DLG2: variants seen among roughly 807,000 people sequenced by gnomAD.
DLG2 encodes disks large homolog 2.
A neutral mutation model predicts 132.5 loss-of-function variants in DLG2; 45 were observed. The observed-to-expected ratio is 0.34, with a 90% CI of 0.27 to 0.44. The LOEUF (loss-of-function observed/expected upper bound fraction) is 0.44. DLG2 is among the 20% of genes least tolerant of loss of function. The pLI is 1.00. For synonymous variants in DLG2, 424 were observed against 419.6 expected, an observed-to-expected ratio of 1.01 and a Z score of -0.13; for missense variants, 1,045 against 1,196.9, an observed-to-expected ratio of 0.87 and a Z score of 1.87.
At chr11:84,615,841 C>CAAAAA (rs1565462543) in intron 6 of DLG2, among the ~76,000 whole-genome samples, 1 of 65,900 alleles carries the variant, frequency 1.5e-5, no homozygotes, top group Non-Finnish European at 3.0e-5. Context: ...AAAAAAAAAA[C>CAAAAA]TTCATTCCAG....
At chr11:84,877,884 C>T (rs544660882) in intron 6 of DLG2, among the ~76,000 whole-genome samples, 1 of 151,918 alleles carries the variant, frequency 6.6e-6, no homozygotes, top group African/African-American at 2.4e-5. Context: ...AAAACAACCC[C>T]ATCAAAAAGT....
chr11:84,367,954 C>T (rs752278086), intron 7 of DLG2, among the ~76,000 whole-genome samples: 8 of 152,084 alleles, frequency 5.3e-5, no homozygotes, highest in Non-Finnish European at 7.3e-5. Context: ...GTAATAGATG[C>T]ACACATCTCT....
intron 6 of DLG2, among the ~76,000 whole-genome samples, chr11:84,797,047 A>G (rs1204121795): frequency 6.6e-6 from 1 of 151,994 alleles, no homozygotes; most frequent in Non-Finnish European, 1.5e-5. Flanking sequence ...GGGTTTCTCC[A>G]TGTTGGTCAG....
chr11:85,462,059 A>G (rs180717346), intron 3 of DLG2, among the ~76,000 whole-genome samples: 65 of 152,396 alleles, frequency 4.3e-4, no homozygotes, highest in African/African-American at 1.6e-3. Flanking sequence ...CATGCTCATC[A>G]TCACTGGCCA....
At chr11:85,499,568 A>G (rs779893015) in intron 3 of DLG2, among the ~76,000 whole-genome samples, 1 of 152,222 alleles carries the variant, frequency 6.6e-6, no homozygotes, top group Non-Finnish European at 1.5e-5. Flanking sequence ...CAATTGAAAA[A>G]GAGGGAATCC....
At chr11:85,518,769 T>A (rs912542893) in intron 3 of DLG2, among the ~76,000 whole-genome samples, 1 of 152,188 alleles carries the variant, frequency 6.6e-6, no homozygotes, top group Non-Finnish European at 1.5e-5. Context: ...TCCGGAGGCC[T>A]AGGAGGAAAA....
In DLG2 at chr11:84,011,491, T is replaced by TA. The variant is rs1566029407; in HGVS notation, c.920-30850dup. On this transcript the variant is annotated intron_variant, in intron 11 of 27. Transcript: ENST00000376104. ...ATCTCTAATAAATAAATAAATAAAT[T>TA]AATTAATTAATTAATAACAAGAAAA... is the stretch of plus-strand genomic sequence containing the variant. Among the ~76,000 whole-genome samples, 1,143 of 149,210 alleles carry TA rather than the reference T, an allele frequency of 7.7e-3. 17 individuals carry two copies. The highest frequency in any genetic ancestry group is 0.025 in the African/African-American group (1,021 of 40,648).
At chr11:85,309,445 T>A (rs1393192241) in intron 3 of DLG2, among the ~76,000 whole-genome samples, 121 of 130,216 alleles carry the variant, frequency 9.3e-4, no homozygotes, top group Non-Finnish European at 1.5e-3. Flanking sequence ...AAAAAAAAAA[T>A]TAGCATGAAG....
intron 6 of DLG2, among the ~76,000 whole-genome samples, chr11:85,040,347 A>G (rs1216909514): frequency 1.3e-5 from 2 of 151,970 alleles, no homozygotes; most frequent in Non-Finnish European, 2.9e-5. Context: ...TACCCACTGT[A>G]CCGTGTAATG....
At chr11:83,676,512 A>G (rs1411673283) in intron 18 of DLG2, among the ~76,000 whole-genome samples, 3 of 152,192 alleles carry the variant, frequency 2.0e-5, no homozygotes, top group African/African-American at 7.2e-5. Context: ...TAATGTAGGC[A>G]TACTATGTGT....
chr11:84,525,471 T>A (rs1425870647), intron 7 of DLG2, among the ~76,000 whole-genome samples: 1 of 152,146 alleles, frequency 6.6e-6, no homozygotes, highest in Non-Finnish European at 1.5e-5. Flanking sequence ...TGTCTCAATG[T>A]CCTGATGATA....
chr11:83,613,019 A>C lies in DLG2; in HGVS notation c.1940+20192T>G, dbSNP rs968395312. ...TTGAATCTTTTCCATTTTCACGTGG[A>C]AACAGAACATCCCTCCCACCAGGCA... On this transcript the variant is annotated intron_variant, in intron 19 of 27. Transcript: ENST00000376104. Among the ~76,000 whole-genome samples the C allele has an allele frequency of 2.6e-5, 4 of 152,208 alleles. No individual in the cohort carries two copies. In the East Asian group the frequency reaches 5.8e-4, roughly 22 times the overall value.
intron 17 of DLG2, among the ~76,000 whole-genome samples, chr11:83,831,092 C>T (rs1322456243): frequency 1.3e-5 from 2 of 152,136 alleles, no homozygotes; most frequent in African/African-American, 2.4e-5. Context: ...TTTTGGGAGA[C>T]TGCTATGTGC....
At chr11:85,338,291 T>A (rs914391135) in intron 3 of DLG2, among the ~76,000 whole-genome samples, 1 of 152,122 alleles carries the variant, frequency 6.6e-6, no homozygotes, top group African/African-American at 2.4e-5. Flanking sequence ...CAAAAGAATC[T>A]CACAATAAAT....
intron 11 of DLG2, among the ~76,000 whole-genome samples, chr11:84,036,866 C>A (rs1047619030): frequency 9.2e-5 from 14 of 152,184 alleles, no homozygotes; most frequent in African/African-American, 3.1e-4. Flanking sequence ...GAGAGCAATC[C>A]AATTTCATCA....
chr11:84,311,498 G>A (rs1365320249), intron 7 of DLG2, among the ~76,000 whole-genome samples: 2 of 152,164 alleles, frequency 1.3e-5, no homozygotes, highest in Admixed American at 1.3e-4. Context: ...ATTCAAATTT[G>A]AGATTGTCTG....
chr11:85,083,673 T>G (rs973551334), intron 6 of DLG2, among the ~76,000 whole-genome samples: 1 of 152,132 alleles, frequency 6.6e-6, no homozygotes, highest in African/African-American at 2.4e-5. Flanking sequence ...GGTTAGCAAT[T>G]GGTTTTAAGA....
intron 3 of DLG2, among the ~76,000 whole-genome samples, chr11:85,425,684 G>C (rs958951476): frequency 5.3e-5 from 8 of 152,138 alleles, no homozygotes; most frequent in Non-Finnish European, 1.0e-4. Flanking sequence ...AATAGGAACA[G>C]CTCCACTCTA....
chr11:85,084,713 C>T (rs541613970), intron 6 of DLG2, among the ~76,000 whole-genome samples: 1 of 152,206 alleles, frequency 6.6e-6, no homozygotes, highest in East Asian at 1.9e-4. Flanking sequence ...TATCCTTCAA[C>T]AATAGATAGA....
Sources: allele counts gnomAD v4.1 joint callset (sites outside exome capture counted in the v4.1 genomes callset), GRCh38; gene constraint gnomAD v4.1.1; transcripts MANE v1.5; gene names NCBI Gene and HGNC (gene_info 2026-07-23, HGNC 2026-07-21).